GRID1: variants seen among roughly 807,000 people sequenced by gnomAD.
GRID1 encodes the protein glutamate receptor ionotropic, delta-1.
In GRID1, 28 loss-of-function variants were observed where a neutral mutation model predicts 98.0. The observed-to-expected ratio is 0.29, with a 90% CI of 0.21 to 0.39. The LOEUF (loss-of-function observed/expected upper bound fraction) is 0.39, where lower values mean the gene tolerates loss of function less well. GRID1 is among the 10% of genes least tolerant of loss of function. GRID1 has a pLI of 1.00. For synonymous variants in GRID1, 553 were observed against 538.5 expected (o/e 1.03, Z -0.37); for missense variants, 1,111 against 1,340.5 (o/e 0.83, Z 2.67).
chr10:85,863,175 C>T (rs76040982), intron 6 of GRID1, among the ~76,000 whole-genome samples: 20,365 of 152,156 alleles, frequency 0.13, 1,505 homozygotes, highest in Middle Eastern at 0.19. Flanking sequence ...AACTTCTCAC[C>T]GTTCTGAAGC....
At chr10:85,986,491 A>T (rs1343007868) in intron 4 of GRID1, among the ~76,000 whole-genome samples, 1 of 152,230 alleles carries the variant, frequency 6.6e-6, no homozygotes, top group African/African-American at 2.4e-5. Context: ...AGCTGGGAAG[A>T]GCATCACGTA....
chr10:85,762,567 C>T (rs1355644338), intron 8 of GRID1, among the ~76,000 whole-genome samples: 2 of 152,142 alleles, frequency 1.3e-5, no homozygotes, highest in Admixed American at 6.5e-5. Flanking sequence ...GGAACTGTGC[C>T]TCAATCAGCT....
chr10:86,022,089 T>C (rs1291143132), intron 4 of GRID1, among the ~76,000 whole-genome samples: 3 of 152,228 alleles, frequency 2.0e-5, no homozygotes, highest in Non-Finnish European at 4.4e-5. Flanking sequence ...GTAATCAATA[T>C]AAAAACTATT....
chr10:85,655,600 G>C (rs1175654412), intron 12 of GRID1, among the ~76,000 whole-genome samples: 1 of 152,144 alleles, frequency 6.6e-6, no homozygotes, highest in Non-Finnish European at 1.5e-5. Context: ...ATGACCACTA[G>C]CCTCCAGGAG....
intron 3 of GRID1, among the ~76,000 whole-genome samples, chr10:86,197,369 G>A (rs1845890697): frequency 6.6e-6 from 1 of 152,118 alleles, no homozygotes; most frequent in Admixed American, 6.5e-5. Context: ...AGCAGACAGG[G>A]AGCAGGAGGA....
At position 85,901,532 on chromosome 10, in the gene GRID1, C is replaced by T. The variant is rs553403773; in HGVS notation, c.780+14654G>A. On this transcript the variant is annotated intron_variant, in intron 5 of 15. Coordinates refer to ENST00000327946, the MANE Select transcript of GRID1 (RefSeq NM_017551.3). ...CAAAGAAGAAGAGCTATCTTTTAAG[C>T]GTGCTTGCTGTCTGCCTGACACTGT... Among the ~76,000 whole-genome samples, 12 of 152,288 alleles carry T rather than the reference C, an allele frequency of 7.9e-5. 1 individual carries two copies. The East Asian group carries it at 1.5e-3, about 20-fold the overall frequency.
chr10:85,654,131 C>T (rs1840865986), intron 12 of GRID1, among the ~76,000 whole-genome samples: 1 of 151,976 alleles, frequency 6.6e-6, no homozygotes, highest in East Asian at 2.0e-4. Flanking sequence ...CCATAGGTCA[C>T]AGAGCCCTTC....
chr10:85,882,386 A>G (rs1170758477), intron 5 of GRID1, among the ~76,000 whole-genome samples: 1 of 152,206 alleles, frequency 6.6e-6, no homozygotes, highest in Non-Finnish European at 1.5e-5. Context: ...ATGTCCAACA[A>G]TGATAGACTG....
At chr10:86,187,105 T>A (rs940976698) in intron 3 of GRID1, among the ~76,000 whole-genome samples, 2 of 152,030 alleles carry the variant, frequency 1.3e-5, no homozygotes, top group African/African-American at 2.4e-5. Flanking sequence ...GAGATCCAGG[T>A]GGGTTGTGGT....
Position 85,916,380 on chromosome 10 carries a change from C to T in GRID1, c.727-141G>A. The T allele has an allele frequency of 1.4e-6, 1 of 703,796 alleles. No homozygotes were observed. Among genetic ancestry groups the T allele is most frequent in the Non-Finnish European group, 2.5e-6 (1 of 398,900 alleles). The allele number at this position is 703,796 out of a possible 1,614,324, so 43.6% of individuals were successfully genotyped here. Reference sequence around the variant, plus strand: ...AAACATGCCATCCCCCTGGGGCCTGCTCTGGCTGCCTTAGCTGCAAGAAGC... The same window carrying T: ...AAACATGCCATCCCCCTGGGGCCTGTTCTGGCTGCCTTAGCTGCAAGAAGC... On this transcript the variant is annotated intron_variant, in intron 4 of 15. Coordinates refer to ENST00000327946, the MANE Select transcript of GRID1 (RefSeq NM_017551.3). The surrounding 1 kb of genome is among the most constrained non-coding windows in gnomAD (Gnocchi z 4.0).
At chr10:85,803,640 G>A (rs1842596976) in intron 8 of GRID1, among the ~76,000 whole-genome samples, 1 of 151,836 alleles carries the variant, frequency 6.6e-6, no homozygotes, top group Non-Finnish European at 1.5e-5. Context: ...AGCAACATAT[G>A]TGAAAATAAC....
At chr10:86,328,079 A>G (rs1264638392) in intron 2 of GRID1, among the ~76,000 whole-genome samples, 1 of 152,220 alleles carries the variant, frequency 6.6e-6, no homozygotes, top group African/African-American at 2.4e-5. Flanking sequence ...AATGTGGTGG[A>G]TTTATATGAA....
intron 4 of GRID1, among the ~76,000 whole-genome samples, chr10:86,030,434 C>T (rs746423514): frequency 3.9e-5 from 6 of 152,236 alleles, no homozygotes; most frequent in Non-Finnish European, 7.3e-5. Context: ...TGTATATTAA[C>T]GTTTCAGCTA....
chr10:86,155,010 A>C (rs1845224813), intron 3 of GRID1, among the ~76,000 whole-genome samples: 1 of 152,234 alleles, frequency 6.6e-6, no homozygotes. Context: ...GCCACAATTC[A>C]AGTCCAAGTC....
intron 4 of GRID1, among the ~76,000 whole-genome samples, chr10:85,985,740 C>G (rs1403208044): frequency 6.6e-6 from 1 of 152,204 alleles, no homozygotes; most frequent in African/African-American, 2.4e-5. Context: ...GGACCTCAAC[C>G]AACACCTGGG....
Position 85,688,119 on chromosome 10 carries a change from T to C in GRID1, c.1997+34884A>G, listed in dbSNP as rs556620840. Reference sequence around the variant, plus strand: ...ATGAAGTGAGTAAAGTATTCCAGGATAGAAAAGTAAAACAACAAATGCAAA... The same window carrying C: ...ATGAAGTGAGTAAAGTATTCCAGGACAGAAAAGTAAAACAACAAATGCAAA... On this transcript the variant is annotated intron_variant, in intron 12 of 15. Transcript: ENST00000327946. Among the ~76,000 whole-genome samples the C allele has an allele frequency of 1.1e-4, 17 of 152,170 alleles. No individual in the cohort carries two copies. The South Asian group carries it at 3.1e-3, about 28-fold the overall frequency.
At position 85,792,962 on chromosome 10, in the gene GRID1, C is replaced by T. The variant is rs1842494485; in HGVS notation, c.1233+61534G>A. 2.0e-5 allele frequency among the ~76,000 whole-genome samples: 3 copies of T among 152,288 alleles called. No individual in the cohort carries two copies. In the South Asian group the frequency reaches 6.2e-4, roughly 32 times the overall value. The stretch of plus-strand genomic sequence containing the variant: ...TTCAGATTAAGTCAGATGCCTACTC[C>T]GATGTCATCAGTACCTGCTTCAGGG... On this transcript the variant is annotated intron_variant, in intron 8 of 15. Transcript: ENST00000327946.
chr10:85,931,344 G>A (rs2131832695), intron 4 of GRID1, among the ~76,000 whole-genome samples: 1 of 152,210 alleles, frequency 6.6e-6, no homozygotes. Flanking sequence ...GGAGACACAT[G>A]TCCTTTAACT....
rs144407137 is a variant in GRID1 at position 85,910,154 on chromosome 10, G to A, written c.780+6032C>T. Among the ~76,000 whole-genome samples, 282 of 152,264 alleles carry A rather than the reference G, an allele frequency of 1.9e-3. 1 individual carries two copies. Among genetic ancestry groups the A allele is most frequent in the Middle Eastern group, 6.8e-3 (2 of 292 alleles). On this transcript the variant is annotated intron_variant, in intron 5 of 15. Coordinates refer to ENST00000327946, the MANE Select transcript of GRID1 (RefSeq NM_017551.3). ...GATTATGACAAACGTAATTGTTTTC[G>A]AGTGTTACTAAATTAAATTTGAAGA...
Sources: gnomAD v4.1 joint callset for allele counts (sites outside exome capture counted in the v4.1 genomes callset) on GRCh38, gnomAD v4.1.1 for gene constraint, Gnocchi (gnomAD v3.1) non-coding constraint, MANE v1.5 for transcripts, NCBI Gene and HGNC (gene_info 2026-07-23, HGNC 2026-07-21) for gene names.